NEURL4: variants seen among roughly 807,000 people sequenced by gnomAD.
The protein encoded by NEURL4 is neuralized-like protein 4.
A neutral mutation model predicts 148.0 loss-of-function variants in NEURL4; 45 were observed. The ratio of observed to expected loss-of-function variants is 0.30; its 90% CI spans 0.24 to 0.39. The LOEUF (loss-of-function observed/expected upper bound fraction) is 0.39, where lower values mean the gene tolerates loss of function less well. Among genes scored for constraint, NEURL4 ranks in the 10% least tolerant of loss-of-function variants. NEURL4 has a pLI of 1.00. For missense variants in NEURL4, 1,776 were observed against 2,144.0 expected (o/e 0.83, Z 3.39); for synonymous variants, 854 against 869.0 (o/e 0.98, Z 0.30).
At position 7,323,682 on chromosome 17, in the gene NEURL4, T is replaced by G. The variant is rs1265313820; in HGVS notation, c.2303A>C (p.Lys768Thr). 6.2e-7 allele frequency: 1 copy of G among 1,613,770 alleles called. No homozygotes were observed. The highest frequency in any genetic ancestry group is 1.1e-5 in the South Asian group (1 of 91,052). The stretch of plus-strand genomic sequence containing the variant: ...GGAGCCTGACCAGCGGTCCACCATC[T>G]TCTGAATGACAATTTCAAACAGCTC... The part of the protein sequence containing the change: ...DGELFEIVIQ[K>T]MVDRWSGSIE... Residue 768 changes from lysine to threonine, a missense_variant, in exon 13 of 29, where the codon AAG becomes ACG. Transcript: ENST00000399464.
chr17:7,321,668 G>C lies in NEURL4; in HGVS notation c.2991C>G (p.Ser997=). Residue 997 remains serine (S), a synonymous_variant, in exon 18 of 29, where the codon TCC becomes TCG. Transcript: ENST00000399464. The surrounding 1 kb of genome is among the most constrained non-coding windows in gnomAD (Gnocchi z 6.3). ...AGGGGPGLPP[S]LPELRTKTTW... Reference sequence around the variant, plus strand: ...TGGTCTTCGTCCGGAGCTCTGGCAGGGAAGGAGGCAGCCCTGGGCCACCAC... The same window carrying C: ...TGGTCTTCGTCCGGAGCTCTGGCAGCGAAGGAGGCAGCCCTGGGCCACCAC... 1 of 1,613,878 alleles carries C rather than the reference G, an allele frequency of 6.2e-7. No homozygotes were observed. Among genetic ancestry groups the C allele is most frequent in the East Asian group, 2.2e-5 (1 of 44,890 alleles).
intron 8 of NEURL4, 65 bp downstream of exon 8, chr17:7,325,144 T>TTGGGGGGGGGGCGG: frequency 1.0e-6 from 1 of 956,488 alleles, no homozygotes. Flanking sequence ...TCCACTTCCT[T>TTGGGGGGGGGGCGG]GCCCCGCCCC....
chr17:7,321,860 C>T lies in NEURL4; in HGVS notation c.2871+5G>A, dbSNP rs557440928. 1.2e-6 allele frequency: 2 copies of T among 1,612,936 alleles called. No individual in the cohort carries two copies. Among genetic ancestry groups the T allele is most frequent in the Non-Finnish European group, 1.7e-6 (2 of 1,179,426 alleles). On this transcript the variant is annotated splice_donor_5th_base_variant and intron_variant, in intron 17 of 28. Transcript: ENST00000399464. This position sits in a 1 kb window ranked among gnomAD's most constrained non-coding sequence, Gnocchi z 6.3. The stretch of plus-strand genomic sequence containing the variant: ...CAGCCCCTCTGTCACATCACTACGG[C>T]CTACCTCAAAGACTTCCTCAGCCCT...
rs2072988234 is a variant in NEURL4, at chr17:7,318,877, A to T, written c.3684+173T>A. The T allele has an allele frequency of 1.1e-6, 1 of 902,936 alleles. No individual in the cohort carries two copies. The highest frequency in any genetic ancestry group is 1.7e-5 in the African/African-American group (1 of 59,358). 55.9% of individuals were successfully genotyped at this position (902,936 alleles called of 1,614,324 possible). A position where few individuals can be genotyped will look rare whatever the true frequency, so the allele number is the denominator to read the frequency against. On this transcript the variant is annotated intron_variant, in intron 22 of 28. Coordinates refer to ENST00000399464, the MANE Select transcript of NEURL4 (RefSeq NM_032442.3). This position sits in a 1 kb window ranked among gnomAD's most constrained non-coding sequence, Gnocchi z 4.3. The stretch of plus-strand genomic sequence containing the variant: ...TCTCAATGGCAGGGACACCGCAGGA[A>T]GCAGCAGGCCTAAGACTGACCAGGC...
At position 7,322,898 on chromosome 17, in the gene NEURL4, C is replaced by T. The variant is rs373583521; in HGVS notation, c.2594-32G>A. ...AGGAGAGGGAAGGTCAGAAGCCTGA[C>T]AGCCAGGTGGTCTGGGCTGAGGGTG... On this transcript the variant is annotated intron_variant, in intron 15 of 28. Transcript: ENST00000399464. This position sits in a 1 kb window ranked among gnomAD's most constrained non-coding sequence, Gnocchi z 5.5. 2 of 1,610,976 alleles carry T rather than the reference C, an allele frequency of 1.2e-6. No homozygotes were observed. The highest frequency in any genetic ancestry group is 1.1e-5 in the South Asian group (1 of 91,042).
In NEURL4 at chr17:7,326,990, C is replaced by G. The variant is rs756329330; in HGVS notation, c.813G>C (p.Leu271=). ...ESHNDFANME[L]SEVVSNTILS... ...GGATGGTGTTGCTCACCACCTCAGA[C>G]AGCTCCATGTTGGCAAAGTCTATAG... The change falls in exon 4 of 29, where the codon CTG becomes CTC. Residue 271 remains leucine (L), a synonymous_variant. Coordinates refer to ENST00000399464, the MANE Select transcript of NEURL4 (RefSeq NM_032442.3). The surrounding 1 kb of genome is among the most constrained non-coding windows in gnomAD (Gnocchi z 6.0). 6.2e-7 allele frequency: 1 copy of G among 1,611,864 alleles called. No homozygotes were observed. The highest frequency in any genetic ancestry group is 8.5e-7 in the Non-Finnish European group (1 of 1,180,004).
intron 26 of NEURL4, 26 bp from the exon 27 acceptor site, chr17:7,317,599 T>C (rs768146178): frequency 2.5e-6 from 4 of 1,607,656 alleles, no homozygotes; most frequent in Non-Finnish European, 2.6e-6. Flanking sequence ...GCGGGGCAGA[T>C]ACAACGAAGG....
Position 7,321,767 on chromosome 17 carries a change from A to G in NEURL4, c.2892T>C (p.Asp964=). 6.2e-7 allele frequency: 1 copy of G among 1,613,374 alleles called. No homozygotes were observed. The highest frequency in any genetic ancestry group is 8.5e-7 in the Non-Finnish European group (1 of 1,179,858). ...GCCGCAGGGAACCTGCCCACTTCTC[A>G]TCTAGCTCTTCCACTTTCACCTACG... is the stretch of plus-strand genomic sequence containing the variant. The part of the protein sequence containing the change: ...EVFEVKVEEL[D]EKWAGSLRLG... The change falls in exon 18 of 29, where the codon GAT becomes GAC. Residue 964 remains aspartate (D), a synonymous_variant. Transcript: ENST00000399464. The surrounding 1 kb of genome is among the most constrained non-coding windows in gnomAD (Gnocchi z 6.3).
intron 1 of NEURL4, among the ~76,000 whole-genome samples, 178 bp downstream of exon 1, chr17:7,328,853 C>T (rs1231294314): frequency 1.3e-5 from 2 of 152,102 alleles, no homozygotes; most frequent in Non-Finnish European, 2.9e-5. Context: ...TTAATGTCAT[C>T]TTCAAACTCA....
chr17:7,325,144 T>TGGGGGGGGGGGGGGGGGGGGG, intron 8 of NEURL4, 65 bp downstream of exon 8: 165 of 956,422 alleles, frequency 1.7e-4, no homozygotes, highest in Middle Eastern at 3.3e-4. Flanking sequence ...TCCACTTCCT[T>TGGGGGGGGGGGGGGGGGGGGG]GCCCCGCCCC....
At position 7,316,064 on chromosome 17, in the gene NEURL4, CCACT is replaced by C. The variant is rs1344852333; in HGVS notation, c.*55_*58del. 63 of 919,202 alleles carry C rather than the reference CCACT, an allele frequency of 6.9e-5. No individual in the cohort carries two copies. Among genetic ancestry groups the C allele is most frequent in the African/African-American group, 1.8e-4 (11 of 61,668 alleles). 56.9% of individuals were successfully genotyped at this position (919,202 alleles called of 1,614,324 possible). ...CACGGGAATGAGGTGGAGGCAGTCGCCACTCAGAGTCCATGGGCCCGCGGCCCGA... is the reference window on the plus strand; with the variant it reads ...CACGGGAATGAGGTGGAGGCAGTCGCCAGAGTCCATGGGCCCGCGGCCCGA... On this transcript the variant is annotated 3_prime_UTR_variant, in exon 29 of 29. Transcript: ENST00000399464.
rs1254801162 is a variant in NEURL4, at chr17:7,319,214, G to A, written c.3526-6C>T. On this transcript the variant is annotated splice_region_variant and splice_polypyrimidine_tract_variant and intron_variant, in intron 21 of 28. Coordinates refer to ENST00000399464, the MANE Select transcript of NEURL4 (RefSeq NM_032442.3). ...TTTAGGAAATCTATCCGCACCTGGG[G>A]AAGAAAGAACTACTCCATAATCACA... The A allele has an allele frequency of 1.9e-6, 3 of 1,608,140 alleles. No individual in the cohort carries two copies. Among genetic ancestry groups the A allele is most frequent in the African/African-American group, 2.7e-5 (2 of 74,702 alleles).
rs759394352 is a variant in NEURL4, at chr17:7,324,220, G to A, written c.1950C>T (p.Phe650=). 6.2e-7 allele frequency: 1 copy of A among 1,613,790 alleles called. No individual in the cohort carries two copies. The highest frequency in any genetic ancestry group is 2.2e-5 in the East Asian group (1 of 44,882). ...VVRREDGTLH[F]FVNGMTQGPA... Reference sequence around the variant, plus strand: ...GGCCCTGAGTCATCCCATTGACAAAGAAGTGGAGAGTCCCGTCCTCCCGCC... The same window carrying A: ...GGCCCTGAGTCATCCCATTGACAAAAAAGTGGAGAGTCCCGTCCTCCCGCC... The change falls in exon 11 of 29, where the codon TTC becomes TTT. Residue 650 remains phenylalanine (F), a synonymous_variant. Transcript: ENST00000399464. This position sits in a 1 kb window ranked among gnomAD's most constrained non-coding sequence, Gnocchi z 5.9.
rs1372700244 is a variant in NEURL4, at chr17:7,327,992, A to T, written c.283-108T>A. On this transcript the variant is annotated intron_variant, in intron 1 of 28. Coordinates refer to ENST00000399464, the MANE Select transcript of NEURL4 (RefSeq NM_032442.3). This position sits in a 1 kb window ranked among gnomAD's most constrained non-coding sequence, Gnocchi z 6.6. ...GCTAGCTGGCTTTCTGTCTCTTGGAACACTAATCCAGAGATGCAGACAGTG... is the reference window on the plus strand; with the variant it reads ...GCTAGCTGGCTTTCTGTCTCTTGGATCACTAATCCAGAGATGCAGACAGTG... 6 of 850,238 alleles carry T rather than the reference A, an allele frequency of 7.1e-6. No individual in the cohort carries two copies. The highest frequency in any genetic ancestry group is 1.1e-5 in the Non-Finnish European group (6 of 562,402). The allele number at this position is 850,238 out of a possible 1,614,324, so 52.7% of individuals were successfully genotyped here. A position where few individuals can be genotyped will look rare whatever the true frequency, so the allele number is the denominator to read the frequency against.
In NEURL4 at chr17:7,324,664, G is replaced by A. The variant is rs762845138; in HGVS notation, c.1813+135C>T. ...CCAAGACAGCCACAGCCCTGCCCAC[G>A]GGACACTCTCTAGCCACTGAATGAG... On this transcript the variant is annotated intron_variant, in intron 9 of 28. Coordinates refer to ENST00000399464, the MANE Select transcript of NEURL4 (RefSeq NM_032442.3). This position sits in a 1 kb window ranked among gnomAD's most constrained non-coding sequence, Gnocchi z 5.9. The A allele has an allele frequency of 2.4e-5, 27 of 1,110,168 alleles. No homozygotes were observed. The highest frequency in any genetic ancestry group is 7.3e-5 in the East Asian group (3 of 40,968). The allele number at this position is 1,110,168 out of a possible 1,614,324, so 68.8% of individuals were successfully genotyped here.
Position 7,326,614 on chromosome 17 carries a change from G to C in NEURL4, c.1093-66C>G, listed in dbSNP as rs1371396759. The C allele has an allele frequency of 6.2e-7, 1 of 1,605,590 alleles. No homozygotes were observed. The highest frequency in any genetic ancestry group is 8.5e-7 in the Non-Finnish European group (1 of 1,173,116). ...TGCAGAAAGGGACCTTCAGCCCTTGGTTCTTCCCCAGGGCCCACCCTCCTA... is the reference window on the plus strand; with the variant it reads ...TGCAGAAAGGGACCTTCAGCCCTTGCTTCTTCCCCAGGGCCCACCCTCCTA... On this transcript the variant is annotated intron_variant, in intron 4 of 28. Coordinates refer to ENST00000399464, the MANE Select transcript of NEURL4 (RefSeq NM_032442.3). The surrounding 1 kb of genome is among the most constrained non-coding windows in gnomAD (Gnocchi z 6.0).
In NEURL4 at chr17:7,326,576, C is replaced by T. The variant is rs1219385794; in HGVS notation, c.1093-28G>A. On this transcript the variant is annotated intron_variant, in intron 4 of 28. Coordinates refer to ENST00000399464, the MANE Select transcript of NEURL4 (RefSeq NM_032442.3). This position sits in a 1 kb window ranked among gnomAD's most constrained non-coding sequence, Gnocchi z 6.0. ...GGCATTGAGGGACAGAAGGGAGAAGCAGGGAATGTAAATGCAGAAAGGGAC... is the reference window on the plus strand; with the variant it reads ...GGCATTGAGGGACAGAAGGGAGAAGTAGGGAATGTAAATGCAGAAAGGGAC... The T allele has an allele frequency of 5.6e-6, 9 of 1,611,298 alleles. No individual in the cohort carries two copies. Among genetic ancestry groups the T allele is most frequent in the African/African-American group, 1.3e-5 (1 of 74,852 alleles).
In NEURL4 at chr17:7,324,986, G is replaced by A. The variant is rs773669212; in HGVS notation, c.1632-6C>T. 5.6e-6 allele frequency: 9 copies of A among 1,613,544 alleles called. No homozygotes were observed. The highest frequency in any genetic ancestry group is 5.0e-5 in the Admixed American group (3 of 59,976). ...GATTGAAGTCATCGGTGGCACTGAG[G>A]GCACAGCAAGTGGAGAGTCAGATCC... On this transcript the variant is annotated splice_polypyrimidine_tract_variant and splice_region_variant and intron_variant, in intron 8 of 28. Transcript: ENST00000399464. This position sits in a 1 kb window ranked among gnomAD's most constrained non-coding sequence, Gnocchi z 5.9.
At chr17:7,319,700 C>CAAAAAA (rs369930443) in intron 21 of NEURL4, among the ~76,000 whole-genome samples, 25,559 of 115,974 alleles carry the variant, frequency 0.22, 3,611 homozygotes, top group Non-Finnish European at 0.32. Flanking sequence ...AACTCCGTCT[C>CAAAAAA]AAAAAAAACA....
Sources: allele counts gnomAD v4.1 joint callset (sites outside exome capture counted in the v4.1 genomes callset), GRCh38; gene constraint gnomAD v4.1.1; non-coding constraint Gnocchi (gnomAD v3.1); transcripts MANE v1.5; gene names NCBI Gene and HGNC (gene_info 2026-07-23, HGNC 2026-07-21).